ABCC5: variants seen among roughly 807,000 people sequenced by gnomAD.
ABCC5 encodes the protein ATP binding cassette subfamily C member 5, also known as ATP-binding cassette sub-family C member 5.
Under a neutral mutation model 160.9 loss-of-function variants are expected in ABCC5, and 61 were observed. That is an observed-to-expected ratio of 0.38 (90% CI 0.31 to 0.47). The LOEUF is 0.47. ABCC5 is among the 20% of genes least tolerant of loss of function. The pLI is 0.99. For synonymous variants in ABCC5, 666 were observed against 700.6 expected (o/e 0.95, Z 0.78); for missense variants, 1,308 against 1,813.3 (o/e 0.72, Z 5.06).
At chr3:183,936,983 A>G (rs951766211) in intron 26 of ABCC5, among the ~76,000 whole-genome samples, 5 of 152,272 alleles carry the variant, frequency 3.3e-5, no homozygotes, top group Admixed American at 1.3e-4. Flanking sequence ...AACCTGGCAG[A>G]TTTCAAAAAG....
intron 5 of ABCC5, chr3:183,983,564 G>A (rs941652866): frequency 1.6e-5 from 3 of 185,360 alleles, no homozygotes; most frequent in Non-Finnish European, 3.1e-5. Context: ...CCATGGGCCC[G>A]CCCCACTCCC....
chr3:183,927,792 T>C (rs1053029084), intron 27 of ABCC5: 10 of 985,356 alleles, frequency 1.0e-5, no homozygotes, highest in Admixed American at 1.2e-4. Flanking sequence ...GTACTCTCCT[T>C]CTGAAGTCCA....
Position 183,965,182 on chromosome 3 carries a change from T to C in ABCC5, c.2031+3A>G. 11 of 1,614,016 alleles carry C rather than the reference T, an allele frequency of 6.8e-6. No individual in the cohort carries two copies. The highest frequency in any genetic ancestry group is 9.3e-6 in the Non-Finnish European group (11 of 1,179,960). On this transcript the variant is annotated splice_donor_region_variant and intron_variant, in intron 14 of 29. Transcript: ENST00000334444. ...TGCCTGGTCAGGGGCGGAAGGCCTG[T>C]ACCTCCGTCAGGTCGCTGCTGGGAA...
In ABCC5 at chr3:183,963,326, C is replaced by T. The variant is rs758892047; in HGVS notation, c.2235+59G>A. The T allele has an allele frequency of 1.9e-6, 3 of 1,568,288 alleles. No individual in the cohort carries two copies. The highest frequency in any genetic ancestry group is 2.7e-5 in the African/African-American group (2 of 73,952). ...CACAAGGATACCTGGAGCAAACCTACCTCCCTGTTTCTGATTTCCCAAACT... is the reference window on the plus strand; with the variant it reads ...CACAAGGATACCTGGAGCAAACCTATCTCCCTGTTTCTGATTTCCCAAACT... On this transcript the variant is annotated intron_variant, in intron 15 of 29. Coordinates refer to ENST00000334444, the MANE Select transcript of ABCC5 (RefSeq NM_005688.4). This position sits in a 1 kb window ranked among gnomAD's most constrained non-coding sequence, Gnocchi z 4.6.
At chr3:183,983,666 C>T (rs1246878449) in intron 5 of ABCC5, 13 of 898,106 alleles carry the variant, frequency 1.4e-5, no homozygotes, top group South Asian at 5.1e-5. Context: ...CAAGAACCAC[C>T]GAGTGCCACC....
rs1321489314 is a variant in ABCC5, at chr3:183,982,904, C to A, written c.695G>T (p.Arg232Leu). ...VLGLLLTEIV[R>L]SWSLALTWAL... is the part of the protein sequence containing the mutation. The stretch of plus-strand genomic sequence containing the variant: ...CCAAGTCAGTGCAAGCGACCAAGAC[C>A]GCACGATTTCCGTCAGGAGGAGGCC... Residue 232 changes from arginine to leucine, a missense_variant, in exon 6 of 30, where the codon CGG becomes CTG. Physicochemically the swap from Arg to Leu is moderately radical, Grantham distance 102 (BLOSUM62 -2). Around this residue, in one of 3 missense-constraint regions of ABCC5, gnomAD observed 1,142 missense variants for 1,527.1 expected, o/e 0.75. Coordinates refer to ENST00000334444, the MANE Select transcript of ABCC5 (RefSeq NM_005688.4). This position sits in a 1 kb window ranked among gnomAD's most constrained non-coding sequence, Gnocchi z 5.2. 1 of 1,614,094 alleles carries A rather than the reference C, an allele frequency of 6.2e-7. No homozygotes were observed. Among genetic ancestry groups the A allele is most frequent in the African/African-American group, 1.3e-5 (1 of 74,936 alleles).
chr3:183,926,158 T>C (rs868712334), intron 28 of ABCC5, among the ~76,000 whole-genome samples: 2,530 of 149,544 alleles, frequency 0.017, 87 homozygotes, highest in African/African-American at 0.059. Context: ...TTTTTTTTTT[T>C]CTAAGAAAGC....
intron 24 of ABCC5, 84 bp downstream of exon 24, chr3:183,945,766 C>T: frequency 9.4e-7 from 1 of 1,063,494 alleles, no homozygotes; most frequent in Admixed American, 1.7e-5. Context: ...CAAGCCTCCT[C>T]CTTGTACACC....
Position 183,989,142 on chromosome 3 carries a change from A to G in ABCC5, c.287+84T>C, listed in dbSNP as rs543855105. The G allele has an allele frequency of 2.4e-5, 32 of 1,333,632 alleles. No individual in the cohort carries two copies. In the East Asian group the frequency reaches 7.9e-4, roughly 33 times the overall value. 82.6% of individuals were successfully genotyped at this position (1,333,632 alleles called of 1,614,324 possible). On this transcript the variant is annotated intron_variant, in intron 3 of 29. Coordinates refer to ENST00000334444, the MANE Select transcript of ABCC5 (RefSeq NM_005688.4). ...GCCGAGATCATGCCACTGGCGACAGAGCAAGACTCCATCTCAAAAAAAAAA... is the reference window on the plus strand; with the variant it reads ...GCCGAGATCATGCCACTGGCGACAGGGCAAGACTCCATCTCAAAAAAAAAA...
At chr3:183,970,710 T>C (rs1434926401) in intron 11 of ABCC5, among the ~76,000 whole-genome samples, 1 of 152,200 alleles carries the variant, frequency 6.6e-6, no homozygotes, top group African/African-American at 2.4e-5. Flanking sequence ...GTGCTGGGAT[T>C]ACAGGCATGA....
chr3:184,014,559 T>C (rs1437544584), intron 1 of ABCC5, 112 bp from the exon 2 acceptor site: 5 of 544,570 alleles, frequency 9.2e-6, no homozygotes, highest in Non-Finnish European at 1.1e-5. Flanking sequence ...TACTAAAGCT[T>C]TCTACTGTTA....
intron 24 of ABCC5, among the ~76,000 whole-genome samples, chr3:183,943,949 C>T (rs1363442936): frequency 6.6e-6 from 1 of 152,184 alleles, no homozygotes; most frequent in South Asian, 2.1e-4. Context: ...ACTGGGCAGC[C>T]ACCTGCCATC....
At chr3:183,984,017 A>T (rs1718977967) in intron 5 of ABCC5, 1 of 985,278 alleles carries the variant, frequency 1.0e-6, no homozygotes, top group African/African-American at 1.7e-5. Flanking sequence ...TCAATCAGTG[A>T]GGGCTCCTGA....
chr3:184,005,922 AC>A (rs1156942843), intron 2 of ABCC5, among the ~76,000 whole-genome samples: 3 of 151,392 alleles, frequency 2.0e-5, no homozygotes, highest in Non-Finnish European at 4.4e-5. Flanking sequence ...AAAAAAAAAA[AC>A]AGGAAGCTAA....
At chr3:183,962,186 C>T (rs1173251192) in intron 15 of ABCC5, among the ~76,000 whole-genome samples, 1 of 152,206 alleles carries the variant, frequency 6.6e-6, no homozygotes, top group African/African-American at 2.4e-5. Context: ...TAAACATGCT[C>T]AGAACCCTTA....
At chr3:183,950,230 TG>T (rs1284820319) in intron 20 of ABCC5, 105 bp from the exon 21 acceptor site, 1 of 1,334,088 alleles carries the variant, frequency 7.5e-7, no homozygotes, top group Non-Finnish European at 1.0e-6. Flanking sequence ...CTGAAGTTTG[TG>T]ATGTTGTCTT....
chr3:183,954,071 C>T (rs760914721), intron 17 of ABCC5, among the ~76,000 whole-genome samples: 1 of 152,114 alleles, frequency 6.6e-6, no homozygotes, highest in Non-Finnish European at 1.5e-5. Context: ...TCTGTATGTG[C>T]CCTATCAGGG....
Position 183,988,969 on chromosome 3 carries a change from T to C in ABCC5, c.288-242A>G, listed in dbSNP as rs1443818150. Among the ~76,000 whole-genome samples, 1 of 151,728 alleles carries C rather than the reference T, an allele frequency of 6.6e-6. No homozygotes were observed. The highest frequency in any genetic ancestry group is 1.5e-5 in the Non-Finnish European group (1 of 67,950). On this transcript the variant is annotated intron_variant, in intron 3 of 29. Coordinates refer to ENST00000334444, the MANE Select transcript of ABCC5 (RefSeq NM_005688.4). This position sits in a 1 kb window ranked among gnomAD's most constrained non-coding sequence, Gnocchi z 4.4. ...TCATGAGGTCAGGAGATTGAGACTA[T>C]CCTGGCCAATATGGTGTAACCCCGT... is the stretch of plus-strand genomic sequence containing the variant.
At chr3:183,984,564 A>C in intron 5 of ABCC5, 1 of 1,320,156 alleles carries the variant, frequency 7.6e-7, no homozygotes, top group East Asian at 3.3e-5. Flanking sequence ...AGGTCCTAGG[A>C]GATCCCCACC....
Sources: allele counts gnomAD v4.1 joint callset (sites outside exome capture counted in the v4.1 genomes callset), GRCh38; gene constraint gnomAD v4.1.1; regional missense constraint gnomAD v4.1.1; non-coding constraint Gnocchi (gnomAD v3.1); transcripts MANE v1.5; gene names NCBI Gene and HGNC (gene_info 2026-07-23, HGNC 2026-07-21).